HS1BP3: variants seen among roughly 807,000 people sequenced by gnomAD.
HS1BP3 encodes HCLS1-binding protein 3.
Under a neutral mutation model 33.5 loss-of-function variants are expected in HS1BP3, and 32 were observed. The observed-to-expected ratio is 0.95, with a 90% confidence interval of 0.72 to 1.28. HS1BP3 has a LOEUF of 1.28. HS1BP3 is among the 50% of genes most tolerant of loss of function. The probability of loss-of-function intolerance (pLI) is 0.00; values close to 1 mark genes in which losing one functional copy is unlikely to be tolerated. For missense variants in HS1BP3, 486 were observed against 502.3 expected, an observed-to-expected ratio of 0.97 and a Z score of 0.31; for synonymous variants, 187 against 209.2, an observed-to-expected ratio of 0.89 and a Z score of 0.92.
At chr2:20,599,609 A>AACACACACACAC (rs59149167) in intron 2 of HS1BP3, among the ~76,000 whole-genome samples, 15 of 136,256 alleles carry the variant, frequency 1.1e-4, no homozygotes, top group East Asian at 2.2e-4. Flanking sequence ...CTTCTTGTGT[A>AACACACACACAC]ACACACACAC....
chr2:20,592,962 A>G (rs1286887151), intron 3 of HS1BP3, among the ~76,000 whole-genome samples: 4 of 152,136 alleles, frequency 2.6e-5, no homozygotes, highest in African/African-American at 9.7e-5. Context: ...AACCCACGAT[A>G]TCACCTCCTT....
chr2:20,627,502 C>T (rs1210411028), intron 4 of HS1BP3, among the ~76,000 whole-genome samples: 1 of 152,226 alleles, frequency 6.6e-6, no homozygotes, highest in African/African-American at 2.4e-5. Flanking sequence ...CCTTCCTACG[C>T]CTGCACCTGG....
At chr2:20,599,829 A>G (rs751646685) in intron 2 of HS1BP3, among the ~76,000 whole-genome samples, 2 of 152,088 alleles carry the variant, frequency 1.3e-5, no homozygotes, top group Non-Finnish European at 2.9e-5. Flanking sequence ...CAGTTTCCCC[A>G]TCTGTTCCCC....
chr2:20,619,003 G>A lies in HS1BP3; in HGVS notation c.1163C>T (p.Ala388Val), dbSNP rs1172423540. Reference sequence around the variant, plus strand: ...ATGGAAGGGTCAGAAGAGGCTGGGGGCGGCCTGGGCTGGTGTATCGTGGTC... The same window carrying A: ...ATGGAAGGGTCAGAAGAGGCTGGGGACGGCCTGGGCTGGTGTATCGTGGTC... The part of the protein sequence containing the change: ...IQDHDTPAQA[A>V]PSLF The change falls in exon 7 of 7, where the codon GCC becomes GTC. Residue 388 changes from alanine to valine, a missense_variant. Ala to Val is a moderately conservative substitution (Grantham distance 64). Transcript: ENST00000304031. 1.2e-6 allele frequency: 2 copies of A among 1,613,868 alleles called. No homozygotes were observed. Among genetic ancestry groups the A allele is most frequent in the Non-Finnish European group, 1.7e-6 (2 of 1,179,900 alleles).
At chr2:20,610,846 T>C (rs1694305067) in intron 2 of HS1BP3, among the ~76,000 whole-genome samples, 1 of 152,216 alleles carries the variant, frequency 6.6e-6, no homozygotes, top group South Asian at 2.1e-4. Flanking sequence ...ATGTTCCCAT[T>C]TTAAGTGCAC....
chr2:20,555,588 T>C (rs4666422), downstream of HS1BP3, among the ~76,000 whole-genome samples: 151,881 of 152,280 alleles, frequency 1, 75,743 homozygotes, highest in Non-Finnish European at 1. Context: ...GAGGAGCAAG[T>C]AGCCCAACAG....
At chr2:20,586,987 A>G (rs911535343) in intron 5 of HS1BP3, among the ~76,000 whole-genome samples, 11 of 152,238 alleles carry the variant, frequency 7.2e-5, no homozygotes, top group Admixed American at 2.0e-4. Context: ...GTGGCATATC[A>G]GTCAGGGGCA....
intron 2 of HS1BP3, 136 bp downstream of exon 2, chr2:20,645,204 G>A: frequency 1.2e-6 from 1 of 810,382 alleles, no homozygotes; most frequent in Non-Finnish European, 1.9e-6. Context: ...GCATGGTCTG[G>A]TACTCCAGGC....
chr2:20,620,422 G>A (rs977036472), intron 6 of HS1BP3, among the ~76,000 whole-genome samples: 50 of 152,192 alleles, frequency 3.3e-4, no homozygotes, highest in African/African-American at 8.9e-4. Context: ...TTGTGCTAAC[G>A]GGCATCTCTA....
chr2:20,573,819 C>A (rs1276740374), intron 5 of HS1BP3, among the ~76,000 whole-genome samples: 2 of 152,210 alleles, frequency 1.3e-5, no homozygotes, highest in African/African-American at 4.8e-5. Context: ...GTGCTGACCT[C>A]GAGGTAACTT....
chr2:20,600,003 G>C (rs1040176757), intron 2 of HS1BP3, among the ~76,000 whole-genome samples: 4 of 152,172 alleles, frequency 2.6e-5, no homozygotes, highest in African/African-American at 9.7e-5. Flanking sequence ...AGGGGCCTGA[G>C]AGTGGTCCCA....
At position 20,646,139 on chromosome 2, in the gene HS1BP3, G is replaced by T. The variant is rs147495377; in HGVS notation, c.33-634C>A. Among the ~76,000 whole-genome samples the T allele has an allele frequency of 1.7e-3, 253 of 152,354 alleles. 3 individuals carry two copies. The highest frequency in any genetic ancestry group is 5.8e-3 in the African/African-American group (241 of 41,580). ...AAATGCAATTCGAATATAATGAATTGTATGATGAGCAAAGAAGTGATGAGA... is the reference window on the plus strand; with the variant it reads ...AAATGCAATTCGAATATAATGAATTTTATGATGAGCAAAGAAGTGATGAGA... On this transcript the variant is annotated intron_variant, in intron 1 of 6. Coordinates refer to ENST00000304031, the MANE Select transcript of HS1BP3 (RefSeq NM_022460.4).
downstream of HS1BP3, among the ~76,000 whole-genome samples, chr2:20,591,413 T>C (rs571060525): frequency 1.9e-4 from 29 of 152,286 alleles, no homozygotes; most frequent in African/African-American, 6.7e-4. Flanking sequence ...AACATAGGTG[T>C]GGCCACCAGC....
At chr2:20,598,532 G>A (rs1050127831) in intron 2 of HS1BP3, among the ~76,000 whole-genome samples, 6 of 145,066 alleles carry the variant, frequency 4.1e-5, no homozygotes, top group Non-Finnish European at 9.0e-5. Context: ...GCCAGGGACC[G>A]GTACTTCTTT....
At chr2:20,556,647 A>G (rs1692849334), downstream of HS1BP3, among the ~76,000 whole-genome samples, 1 of 152,194 alleles carries the variant, frequency 6.6e-6, no homozygotes, top group Non-Finnish European at 1.5e-5. Flanking sequence ...TCAAGTCACT[A>G]AACCTAGGCT....
At chr2:20,568,466 C>T (rs143482689) in intron 5 of HS1BP3, among the ~76,000 whole-genome samples, 316 of 152,216 alleles carry the variant, frequency 2.1e-3, no homozygotes, top group African/African-American at 6.2e-3. Context: ...AGTGTTCACT[C>T]GGGGTGAGAT....
At chr2:20,589,916 G>A (rs144788910), downstream of HS1BP3, among the ~76,000 whole-genome samples, 10 of 152,274 alleles carry the variant, frequency 6.6e-5, no homozygotes, top group African/African-American at 2.2e-4. Flanking sequence ...AGACTCCTGG[G>A]GGTCCTGGAG....
chr2:20,577,011 A>C (rs11096677), intron 5 of HS1BP3, among the ~76,000 whole-genome samples: 119,868 of 152,124 alleles, frequency 0.79, 50,650 homozygotes, highest in Non-Finnish European at 0.93. Flanking sequence ...ATGCCCTGGG[A>C]ATTTACCTGG....
the HS1BP3 span, among the ~76,000 whole-genome samples, chr2:20,554,316 C>A: frequency 2.6e-5 from 4 of 152,168 alleles, no homozygotes; most frequent in Non-Finnish European, 5.9e-5. Context: ...ACTGGTCATG[C>A]GTCTCAATAG....
Sources: gnomAD v4.1 joint callset for allele counts (sites outside exome capture counted in the v4.1 genomes callset) on GRCh38, gnomAD v4.1.1 for gene constraint, MANE v1.5 for transcripts, NCBI Gene and HGNC (gene_info 2026-07-23, HGNC 2026-07-21) for gene names.